Variants in MAPK10 observed in about 807,000 individuals in gnomAD.
The protein encoded by MAPK10 is mitogen-activated protein kinase 10.
A neutral mutation model predicts 59.3 loss-of-function variants in MAPK10; 25 were observed. The observed-to-expected ratio is 0.42, with a 90% CI of 0.31 to 0.59. The LOEUF is 0.59. MAPK10 is among the 20% of genes least tolerant of loss of function. The pLI, the probability that MAPK10 is intolerant of heterozygous loss-of-function variation, is 0.15. For synonymous variants in MAPK10, 190 were observed against 200.5 expected, an observed-to-expected ratio of 0.95 and a Z score of 0.44; for missense variants, 351 against 568.9, an observed-to-expected ratio of 0.62 and a Z score of 3.90.
intron 1 of MAPK10, among the ~76,000 whole-genome samples, chr4:86,523,786 A>T (rs748429713): frequency 1.3e-5 from 2 of 152,168 alleles, no homozygotes; most frequent in African/African-American, 2.4e-5. Flanking sequence ...CTAAATCTAT[A>T]TCTCTAAATA....
intron 4 of MAPK10, among the ~76,000 whole-genome samples, chr4:86,133,039 A>G (rs2061294541): frequency 6.6e-6 from 1 of 152,218 alleles, no homozygotes; most frequent in Non-Finnish European, 1.5e-5. Flanking sequence ...CCTGGTGCCA[A>G]AAAGGTTGGA....
intron 1 of MAPK10, among the ~76,000 whole-genome samples, chr4:86,520,509 A>G (rs548431902): frequency 6.6e-6 from 1 of 151,866 alleles, no homozygotes; most frequent in Non-Finnish European, 1.5e-5. Flanking sequence ...AGGCTTTTTC[A>G]TCCATATCCT....
intron 3 of MAPK10, among the ~76,000 whole-genome samples, chr4:86,162,481 A>T (rs1228073177): frequency 6.6e-6 from 1 of 152,088 alleles, no homozygotes; most frequent in Non-Finnish European, 1.5e-5. Flanking sequence ...ATGTCTTTGC[A>T]GAAACATTTT....
chr4:86,546,210 G>C (rs764994463), intron 1 of MAPK10, among the ~76,000 whole-genome samples: 4 of 151,008 alleles, frequency 2.6e-5, no homozygotes, highest in Admixed American at 6.6e-5. Context: ...ACAACAGAGC[G>C]AGACTCTTGT....
At chr4:86,276,452 T>C (rs1050198037) in intron 2 of MAPK10, among the ~76,000 whole-genome samples, 1 of 127,258 alleles carries the variant, frequency 7.9e-6, no homozygotes, top group Admixed American at 7.5e-5. Context: ...GAGAACCCAA[T>C]GTTTAAAAAA....
chr4:86,469,603 G>C (rs531531726), intron 1 of MAPK10, among the ~76,000 whole-genome samples: 2 of 152,170 alleles, frequency 1.3e-5, no homozygotes, highest in Non-Finnish European at 2.9e-5. Flanking sequence ...ATAAGTAGCA[G>C]AAAGAGGATA....
Position 86,017,963 on chromosome 4 carries a change from C to T in MAPK10, c.1253-593G>A, listed in dbSNP as rs923891466. On this transcript the variant is annotated intron_variant, in intron 13 of 13. Coordinates refer to ENST00000641462, the MANE Select transcript of MAPK10 (RefSeq NM_138982.4). The surrounding 1 kb of genome is among the most constrained non-coding windows in gnomAD (Gnocchi z 4.4). ...GTCTCGATCTCTTGACCTCATGATCCGCCCACCTCTGCCTCCCAAAGTGCT... is the reference window on the plus strand; with the variant it reads ...GTCTCGATCTCTTGACCTCATGATCTGCCCACCTCTGCCTCCCAAAGTGCT... Among the ~76,000 whole-genome samples, 12 of 152,120 alleles carry T rather than the reference C, an allele frequency of 7.9e-5. No individual in the cohort carries two copies. Among genetic ancestry groups the T allele is most frequent in the African/African-American group, 2.4e-4 (10 of 41,436 alleles).
At chr4:86,422,664 CTAGAAGG>C (rs1362709833) in intron 1 of MAPK10, among the ~76,000 whole-genome samples, 1 of 152,092 alleles carries the variant, frequency 6.6e-6, no homozygotes, top group Non-Finnish European at 1.5e-5. Context: ...CTTTAGTGTA[CTAGAAGG>C]TAGGATATTT....
chr4:86,223,568 C>A (rs757198523), intron 2 of MAPK10, among the ~76,000 whole-genome samples: 1 of 152,194 alleles, frequency 6.6e-6, no homozygotes, highest in Non-Finnish European at 1.5e-5. Flanking sequence ...CTCAGCACTT[C>A]CACTGAGGCC....
In MAPK10 at chr4:86,017,243, C is replaced by T; in HGVS notation, c.1380G>A (p.Leu460=). The T allele has an allele frequency of 6.2e-7, 1 of 1,614,034 alleles. No homozygotes were observed. The change falls in exon 14 of 14, where the codon CTG becomes CTA. Residue 460 remains leucine, a synonymous_variant. Transcript: ENST00000641462. This position sits in a 1 kb window ranked among gnomAD's most constrained non-coding sequence, Gnocchi z 4.4. ...DSSLEASAGP[L]GCCR ...AGGCGGCTAGTCACCTGCAACAACC[C>T]AGGGGTCCTGCCGAGGCTTCCAGGC...
At chr4:86,282,836 A>G (rs1168889182) in intron 2 of MAPK10, among the ~76,000 whole-genome samples, 2 of 152,180 alleles carry the variant, frequency 1.3e-5, no homozygotes, top group African/African-American at 4.8e-5. Flanking sequence ...CCCTATGTCT[A>G]TGGAATCAAA....
chr4:86,509,461 C>CAA (rs754265099), intron 1 of MAPK10, among the ~76,000 whole-genome samples: 1 of 105,662 alleles, frequency 9.5e-6, no homozygotes, highest in African/African-American at 3.4e-5. Flanking sequence ...AAACGCTGAC[C>CAA]AAAAAAAAAA....
At chr4:86,499,522 A>G (rs1179909718) in intron 1 of MAPK10, among the ~76,000 whole-genome samples, 1 of 152,196 alleles carries the variant, frequency 6.6e-6, no homozygotes, top group Non-Finnish European at 1.5e-5. Flanking sequence ...CACACTGGAA[A>G]TGTGTATATT....
intron 9 of MAPK10, among the ~76,000 whole-genome samples, chr4:86,094,416 C>G (rs993986517): frequency 1.4e-4 from 22 of 152,026 alleles, no homozygotes; most frequent in African/African-American, 5.3e-4. Context: ...ATATAATATA[C>G]TTGAGGTCCA....
At chr4:86,251,222 T>A (rs2093403296) in intron 2 of MAPK10, among the ~76,000 whole-genome samples, 1 of 152,028 alleles carries the variant, frequency 6.6e-6, no homozygotes, top group African/African-American at 2.4e-5. Flanking sequence ...ATGTGCACAT[T>A]GTGCAGGTTA....
At chr4:86,551,618 CTTTT>C (rs1315456629) in intron 1 of MAPK10, among the ~76,000 whole-genome samples, 2 of 146,998 alleles carry the variant, frequency 1.4e-5, no homozygotes, top group African/African-American at 2.5e-5. Flanking sequence ...CTCTTTCTTT[CTTTT>C]TGAGATGGAG....
intron 2 of MAPK10, among the ~76,000 whole-genome samples, chr4:86,237,994 A>G (rs1163682552): frequency 6.6e-6 from 1 of 152,092 alleles, no homozygotes; most frequent in Non-Finnish European, 1.5e-5. Context: ...CATTTAAGTC[A>G]TTAATCCATC....
chr4:86,141,131 A>G (rs1027847482), intron 4 of MAPK10, among the ~76,000 whole-genome samples: 2 of 152,200 alleles, frequency 1.3e-5, no homozygotes, highest in Admixed American at 1.3e-4. Flanking sequence ...CTTAGGTTTT[A>G]AAAGGCCTTG....
At chr4:86,414,402 G>A (rs1745599269) in intron 1 of MAPK10, among the ~76,000 whole-genome samples, 1 of 152,126 alleles carries the variant, frequency 6.6e-6, no homozygotes, top group African/African-American at 2.4e-5. Context: ...TAGTCAAACA[G>A]AAAATCTCAG....
Sources: gnomAD v4.1 joint callset for allele counts (sites outside exome capture counted in the v4.1 genomes callset) on GRCh38, gnomAD v4.1.1 for gene constraint, Gnocchi (gnomAD v3.1) non-coding constraint, MANE v1.5 for transcripts, NCBI Gene and HGNC (gene_info 2026-07-23, HGNC 2026-07-21) for gene names.